ARHGEF37: variants seen among roughly 807,000 people sequenced by gnomAD.
ARHGEF37 encodes the protein Rho guanine nucleotide exchange factor (GEF) 37.
Under a neutral mutation model 71.1 loss-of-function variants are expected in ARHGEF37, and 55 were observed. The ratio of observed to expected loss-of-function variants is 0.77; its 90% CI spans 0.62 to 0.97. The LOEUF is 0.97. Among genes scored for constraint, ARHGEF37 ranks in the 50% least tolerant of loss-of-function variants. The pLI is 0.00. For synonymous variants in ARHGEF37, 327 were observed against 350.6 expected (o/e 0.93, Z 0.75); for missense variants, 765 against 836.8 (o/e 0.91, Z 1.06).
chr5:149,572,246 T>C (rs779686252), intron 1 of ARHGEF37, among the ~76,000 whole-genome samples: 2 of 152,214 alleles, frequency 1.3e-5, no homozygotes, highest in African/African-American at 2.4e-5. Context: ...TGATAATCTA[T>C]ATGAAGAGAA....
chr5:149,561,561 G>C (rs1187788430), intron 1 of ARHGEF37, among the ~76,000 whole-genome samples: 1 of 152,174 alleles, frequency 6.6e-6, no homozygotes, highest in Non-Finnish European at 1.5e-5. Context: ...TGTCCTGACA[G>C]GGAGGAAATT....
intron 1 of ARHGEF37, among the ~76,000 whole-genome samples, chr5:149,587,307 G>A (rs1409013711): frequency 6.6e-6 from 1 of 152,004 alleles, no homozygotes; most frequent in Admixed American, 6.6e-5. Context: ...ATCTAGATCG[G>A]CCATGTGTCT....
intron 1 of ARHGEF37, among the ~76,000 whole-genome samples, chr5:149,595,688 A>G (rs1235483964): frequency 6.6e-6 from 1 of 152,152 alleles, no homozygotes; most frequent in African/African-American, 2.4e-5. Context: ...GGACATGGTT[A>G]TCTGTGGCCT....
chr5:149,597,884 A>T lies in ARHGEF37; in HGVS notation c.115A>T (p.Ile39Phe), dbSNP rs1340425169. The stretch of plus-strand genomic sequence containing the variant: ...TCAGAGGCTGGCTGTCCGGGAGCTC[A>T]TCGACACTGAGGTCTCCTACTTGCA... ...LHQRLAVREL[I>F]DTEVSYLHML... The change falls in exon 2 of 13, where the codon ATC becomes TTC. Residue 39 changes from isoleucine to phenylalanine, a missense_variant. This residue lies in a region of ARHGEF37 where 201 missense variants were observed against 217.5 expected (regional missense o/e 0.92). Transcript: ENST00000333677. 1 of 1,609,874 alleles carries T rather than the reference A, an allele frequency of 6.2e-7. No homozygotes were observed. The highest frequency in any genetic ancestry group is 1.7e-5 in the Admixed American group (1 of 59,332).
upstream of ARHGEF37, among the ~76,000 whole-genome samples, chr5:149,576,750 G>C (rs1463813688): frequency 6.6e-6 from 1 of 152,172 alleles, no homozygotes; most frequent in African/African-American, 2.4e-5. Context: ...GAGGTCAGGA[G>C]TTTAAGACCA....
chr5:149,554,129 C>T (rs938599456), intron 1 of ARHGEF37, among the ~76,000 whole-genome samples: 1 of 152,242 alleles, frequency 6.6e-6, no homozygotes, highest in East Asian at 1.9e-4. Flanking sequence ...GATTGTGCCA[C>T]TGCACTCCGG....
At chr5:149,573,824 C>A (rs947874958) in intron 1 of ARHGEF37, among the ~76,000 whole-genome samples, 1 of 152,050 alleles carries the variant, frequency 6.6e-6, no homozygotes, top group African/African-American at 2.4e-5. Flanking sequence ...TATATCATAT[C>A]TATAACGTGG....
rs1331561950 is a variant in ARHGEF37 at position 149,633,990 on chromosome 5, G to A, written c.*1799G>A. 6.6e-6 allele frequency: 1 copy of A among 152,184 alleles called. No individual in the cohort carries two copies. Among genetic ancestry groups the A allele is most frequent in the East Asian group, 1.9e-4 (1 of 5,198 alleles). The allele number at this position is 152,184 out of a possible 1,614,324, so 9.4% of individuals were successfully genotyped here. ...GCATAGGGGAACAGATAATGAAATA[G>A]GAAACCCACTCGTGGGTTCCACAGA... On this transcript the variant is annotated 3_prime_UTR_variant, in exon 13 of 13. Transcript: ENST00000333677.
At chr5:149,599,434 C>CTTACCTATTTATTTATTTATTTAT (rs144654314) in intron 2 of ARHGEF37, among the ~76,000 whole-genome samples, 1 of 147,814 alleles carries the variant, frequency 6.8e-6, no homozygotes, top group African/African-American at 2.5e-5. Flanking sequence ...CCAAGGCAAA[C>CTTACCTATTTATTTATTTATTTAT]TTATTTATTT....
intron 1 of ARHGEF37, among the ~76,000 whole-genome samples, chr5:149,595,353 A>AT (rs796641966): frequency 3.3e-5 from 5 of 151,394 alleles, no homozygotes; most frequent in South Asian, 2.1e-4. Context: ...TTACAAAAAA[A>AT]TTTTTTCTGT....
chr5:149,564,976 CTT>C (rs1461486429), intron 1 of ARHGEF37, among the ~76,000 whole-genome samples: 10 of 152,220 alleles, frequency 6.6e-5, no homozygotes, highest in Non-Finnish European at 1.3e-4. Flanking sequence ...TCTAGCCAGC[CTT>C]CTGTGGCCTA....
intron 6 of ARHGEF37, 129 bp downstream of exon 6, chr5:149,618,435 G>C: frequency 7.1e-7 from 1 of 1,407,634 alleles, no homozygotes; most frequent in Non-Finnish European, 9.5e-7. Context: ...TTGAGGTGCT[G>C]GGAAGAGGCA....
At chr5:149,571,897 C>A (rs1347446638) in intron 1 of ARHGEF37, among the ~76,000 whole-genome samples, 2 of 123,750 alleles carry the variant, frequency 1.6e-5, no homozygotes, top group African/African-American at 3.2e-5. Context: ...CAGAGTGAGA[C>A]CCTGTCTCAA....
intron 3 of ARHGEF37, among the ~76,000 whole-genome samples, chr5:149,608,296 ATG>A: frequency 5.8e-4 from 1 of 1,714 alleles, no homozygotes; most frequent in East Asian, 0.019. Context: ...CATATGTAAT[ATG>A]ACATATATAA....
intron 3 of ARHGEF37, among the ~76,000 whole-genome samples, chr5:149,603,803 G>T (rs1441194949): frequency 6.6e-6 from 1 of 152,126 alleles, no homozygotes; most frequent in Non-Finnish European, 1.5e-5. Context: ...AGATGTGGTG[G>T]CACACACTTG....
At chr5:149,622,143 G>A (rs1752566187) in intron 9 of ARHGEF37, 81 bp downstream of exon 9, 2 of 1,385,974 alleles carry the variant, frequency 1.4e-6, no homozygotes, top group Admixed American at 2.5e-5. Context: ...GTGTGTAGGG[G>A]CTAGGATGGA....
intron 4 of ARHGEF37, among the ~76,000 whole-genome samples, chr5:149,615,006 G>C (rs1000835275): frequency 6.6e-6 from 1 of 152,176 alleles, no homozygotes; most frequent in Admixed American, 6.5e-5. Context: ...ATCAAGAAAA[G>C]ACTGTGGAGC....
At chr5:149,598,579 A>G (rs1763645144) in intron 2 of ARHGEF37, among the ~76,000 whole-genome samples, 1 of 150,812 alleles carries the variant, frequency 6.6e-6, no homozygotes, top group South Asian at 2.1e-4. Context: ...CTGGCCCTCT[A>G]TGGCTTCCAA....
At chr5:149,601,980 A>AAAC in intron 3 of ARHGEF37, among the ~76,000 whole-genome samples, 1 of 152,258 alleles carries the variant, frequency 6.6e-6, no homozygotes, top group East Asian at 1.9e-4. Context: ...TTTGGAGTTT[A>AAAC]TTCTAACTGT....
Sources: gnomAD v4.1 joint callset for allele counts (sites outside exome capture counted in the v4.1 genomes callset) on GRCh38, gnomAD v4.1.1 for gene constraint, gnomAD v4.1.1 regional missense constraint, MANE v1.5 for transcripts, NCBI Gene and HGNC (gene_info 2026-07-23, HGNC 2026-07-21) for gene names.